Variants in ANK3 observed in about 807,000 individuals in gnomAD.
The protein encoded by ANK3 is ankyrin 3.
In ANK3, 57 loss-of-function variants were observed where a neutral mutation model predicts 370.9. That is an observed-to-expected ratio of 0.15 (90% confidence interval 0.12 to 0.19). The LOEUF (loss-of-function observed/expected upper bound fraction) is 0.19. ANK3 is among the 10% of genes least tolerant of loss of function. The pLI is 1.00. For missense variants in ANK3, 4,439 were observed against 5,302.1 expected (o/e 0.84, Z 5.06); for synonymous variants, 1,929 against 1,946.3 (o/e 0.99, Z 0.23).
intron 2 of ANK3, among the ~76,000 whole-genome samples, chr10:60,436,878 A>G (rs2064172514): frequency 6.6e-6 from 1 of 152,206 alleles, no homozygotes; most frequent in Non-Finnish European, 1.5e-5. Flanking sequence ...TAATCCACAA[A>G]TATTGTGGTG....
intron 2 of ANK3, among the ~76,000 whole-genome samples, chr10:60,533,847 T>C (rs2133204375): frequency 1.3e-5 from 2 of 152,286 alleles, no homozygotes; most frequent in Middle Eastern, 6.8e-3. Context: ...AATTATTCCA[T>C]TATCCATTAG....
intron 25 of ANK3, among the ~76,000 whole-genome samples, chr10:60,116,926 A>G (rs1342228205): frequency 6.6e-6 from 1 of 152,218 alleles, no homozygotes; most frequent in Non-Finnish European, 1.5e-5. Context: ...TCATCGTAAC[A>G]TTTCAGAATT....
At chr10:60,388,563 T>A (rs749629012) in intron 1 of ANK3, among the ~76,000 whole-genome samples, 3 of 152,158 alleles carry the variant, frequency 2.0e-5, no homozygotes, top group Non-Finnish European at 2.9e-5. Context: ...TGCTTTGGGG[T>A]CTTACTCCCA....
intron 1 of ANK3, among the ~76,000 whole-genome samples, chr10:60,345,985 G>A (rs2055376017): frequency 6.6e-6 from 1 of 152,028 alleles, no homozygotes; most frequent in South Asian, 2.1e-4. Flanking sequence ...ATATAATAGA[G>A]GTGGAATTTG....
At chr10:60,148,522 G>A (rs1382224721) in intron 23 of ANK3, among the ~76,000 whole-genome samples, 1 of 152,062 alleles carries the variant, frequency 6.6e-6, no homozygotes, top group African/African-American at 2.4e-5. Flanking sequence ...CTATGAAGAG[G>A]CAGAAAAAGA....
chr10:60,367,040 G>A (rs998393433), intron 1 of ANK3, among the ~76,000 whole-genome samples: 9 of 152,066 alleles, frequency 5.9e-5, no homozygotes, highest in African/African-American at 1.9e-4. Flanking sequence ...TCCCAACATC[G>A]TTCTAAAGAG....
At chr10:60,231,548 C>T (rs1249320548) in intron 8 of ANK3, among the ~76,000 whole-genome samples, 1 of 152,128 alleles carries the variant, frequency 6.6e-6, no homozygotes, top group African/African-American at 2.4e-5. Flanking sequence ...GTAGTTAGAA[C>T]TTGTTTTTGT....
chr10:60,105,047 T>A (rs893963319), intron 28 of ANK3, among the ~76,000 whole-genome samples: 1 of 152,124 alleles, frequency 6.6e-6, no homozygotes, highest in African/African-American at 2.4e-5. Flanking sequence ...AGTCAGTGAA[T>A]TGAAAAAGAG....
chr10:60,101,304 T>A (rs1262505631), intron 28 of ANK3, among the ~76,000 whole-genome samples: 1 of 152,182 alleles, frequency 6.6e-6, no homozygotes, highest in East Asian at 1.9e-4. Flanking sequence ...TTTTGGTTTG[T>A]AAATTAAGGA....
intron 1 of ANK3, among the ~76,000 whole-genome samples, chr10:60,320,688 C>T (rs781654497): frequency 4.6e-5 from 7 of 152,142 alleles, no homozygotes; most frequent in Non-Finnish European, 1.0e-4. Context: ...CTGAAGGGAA[C>T]ACACAGAGCA....
At chr10:60,656,693 A>G (rs2078868714) in intron 1 of ANK3, among the ~76,000 whole-genome samples, 1 of 152,170 alleles carries the variant, frequency 6.6e-6, no homozygotes. Flanking sequence ...TGTACCCTAT[A>G]CAACTTATTT....
intron 40 of ANK3, among the ~76,000 whole-genome samples, chr10:60,061,348 A>G (rs2080417820): frequency 1.3e-5 from 2 of 152,350 alleles, no homozygotes; most frequent in South Asian, 2.1e-4. Flanking sequence ...ACAAAAAGCC[A>G]TTTCATTTTT....
At chr10:60,706,654 C>T (rs968715829) in intron 1 of ANK3, among the ~76,000 whole-genome samples, 1 of 151,880 alleles carries the variant, frequency 6.6e-6, no homozygotes, top group Non-Finnish European at 1.5e-5. Flanking sequence ...ATCTCTCCTT[C>T]GTATTTTAGA....
chr10:60,634,516 T>C (rs2078525877), intron 1 of ANK3, among the ~76,000 whole-genome samples: 2 of 151,940 alleles, frequency 1.3e-5, no homozygotes, highest in Admixed American at 6.6e-5. Flanking sequence ...AACGGAACAA[T>C]TGGCACTCTG....
intron 1 of ANK3, among the ~76,000 whole-genome samples, chr10:60,669,989 C>CT (rs1003133907): frequency 2.0e-5 from 3 of 151,282 alleles, no homozygotes; most frequent in Non-Finnish European, 4.4e-5. Flanking sequence ...TGCCCAGCTA[C>CT]TTTTTTTTTC....
intron 2 of ANK3, among the ~76,000 whole-genome samples, chr10:60,560,150 T>TTTATACATGGTATAAAACCATGTACC (rs1317416519): frequency 3.2e-4 from 48 of 152,324 alleles, no homozygotes; most frequent in Non-Finnish European, 5.9e-4. Flanking sequence ...CAAAAAACCT[T>TTTATACATGGTATAAAACCATGTACC]TTATACAAAG....
At chr10:60,365,950 T>A (rs148200014) in intron 1 of ANK3, among the ~76,000 whole-genome samples, 28 of 152,326 alleles carry the variant, frequency 1.8e-4, no homozygotes, top group Non-Finnish European at 2.9e-4. Context: ...TACATACAGC[T>A]GTTGAAACAA....
intron 1 of ANK3, among the ~76,000 whole-genome samples, chr10:60,307,872 G>A (rs975795226): frequency 2.0e-5 from 3 of 152,136 alleles, no homozygotes; most frequent in Non-Finnish European, 1.5e-5. Flanking sequence ...CCCAGGACCT[G>A]GATTCTATAT....
intron 23 of ANK3, among the ~76,000 whole-genome samples, chr10:60,161,618 A>C (rs2095502414): frequency 6.6e-6 from 1 of 152,166 alleles, no homozygotes; most frequent in South Asian, 2.1e-4. Flanking sequence ...ACATTATCTT[A>C]AGTGAGGTAA....
Sources: gnomAD v4.1 joint callset for allele counts (sites outside exome capture counted in the v4.1 genomes callset) on GRCh38, gnomAD v4.1.1 for gene constraint, MANE v1.5 for transcripts, NCBI Gene and HGNC (gene_info 2026-07-23, HGNC 2026-07-21) for gene names.